The following DMD variants were observed in gnomAD, a reference collection of about 807,000 sequenced individuals.
DMD encodes dystrophin.
DMD carries 63 observed loss-of-function variants against 330.1 expected under a neutral mutation model. The ratio of observed to expected loss-of-function variants is 0.19; its 90% CI spans 0.16 to 0.24. The LOEUF is 0.24. Among genes scored for constraint, DMD ranks in the 10% least tolerant of loss-of-function variants. The pLI is 1.00. For synonymous variants in DMD, 1,223 were observed against 959.8 expected (o/e 1.27, Z -5.07); for missense variants, 3,344 against 2,684.1 (o/e 1.25, Z -5.43).
chrX:31,449,779 T>TAGATAGATAGATAGATAG (rs1205052509), intron 59 of DMD, among the ~76,000 whole-genome samples: 1 of 90,430 alleles, frequency 1.1e-5, no homozygotes, highest in African/African-American at 4.2e-5. Flanking sequence ...TATATATATA[T>TAGATAGATAGATAGATAG]ATATATATAT....
Position 31,367,589 on chromosome X carries a change from A to T in DMD, c.9085-18955T>A, listed in dbSNP as rs1434656875. Among the ~76,000 whole-genome samples, 3 of 111,513 alleles carry T rather than the reference A, an allele frequency of 2.7e-5. No individual in the cohort carries two copies. The East Asian group carries it at 8.4e-4, about 31-fold the overall frequency. On this transcript the variant is annotated intron_variant, in intron 60 of 78. Transcript: ENST00000357033. Reference sequence around the variant, plus strand: ...TGATGTGGGGCTGATAATTCTGACAATCAATAATAATAATTGTATAAACAT... The same window carrying T: ...TGATGTGGGGCTGATAATTCTGACATTCAATAATAATAATTGTATAAACAT...
intron 62 of DMD, among the ~76,000 whole-genome samples, chrX:31,280,373 A>G (rs1048044945): frequency 6.2e-5 from 7 of 112,109 alleles, no homozygotes; most frequent in African/African-American, 2.3e-4. Flanking sequence ...TTCTATTTAT[A>G]GAAAATTCTT....
At chrX:32,385,552 C>T (rs1021898525) in intron 33 of DMD, among the ~76,000 whole-genome samples, 2 of 110,841 alleles carry the variant, frequency 1.8e-5, no homozygotes, top group Non-Finnish European at 3.8e-5. Flanking sequence ...ACTGTTATCG[C>T]ATCAACCTAA....
chrX:32,573,545 A>G lies in DMD; in HGVS notation c.1797T>C (p.Ser599=). Residue 599 remains serine (S), a synonymous_variant, in exon 15 of 79, where the codon AGT becomes AGC. Coordinates refer to ENST00000357033, the MANE Select transcript of DMD (RefSeq NM_004006.3). ...GFKDQNEMLS[S]LQKLAVLKAD... is the part of the protein sequence containing the mutation. ...AAGTACATACGGCCAGTTTTTGAAG[A>G]CTTGATAACATTTCATTTTGATCTT... is the stretch of plus-strand genomic sequence containing the variant. The G allele has an allele frequency of 8.3e-7, 1 of 1,210,692 alleles. No homozygotes were observed. Among genetic ancestry groups the G allele is most frequent in the Non-Finnish European group, 1.1e-6 (1 of 894,568 alleles).
chrX:31,154,874 C>T (rs945390890), intron 74 of DMD, among the ~76,000 whole-genome samples: 11 of 110,056 alleles, frequency 1.0e-4, no homozygotes, highest in Middle Eastern at 4.6e-3. Context: ...CACATGGCTT[C>T]TGTCACTACA....
chrX:32,517,431 G>A (rs970555884), intron 18 of DMD: 3 of 111,985 alleles, frequency 2.7e-5, no homozygotes, highest in African/African-American at 9.7e-5. Flanking sequence ...CATCTCAGAA[G>A]GGAATAACAA....
chrX:32,776,487 A>T (rs2074162278), intron 7 of DMD, among the ~76,000 whole-genome samples: 1 of 111,235 alleles, frequency 9.0e-6, no homozygotes, highest in Non-Finnish European at 1.9e-5. Flanking sequence ...ATGGGTGGGG[A>T]GGCCCCCAGG....
At chrX:31,821,016 G>A (rs184776442) in intron 49 of DMD, among the ~76,000 whole-genome samples, 31 of 112,749 alleles carry the variant, frequency 2.7e-4, no homozygotes, top group African/African-American at 9.6e-4. Context: ...CTAGCTATAC[G>A]ATAATTTATA....
At chrX:31,608,834 C>A (rs143897702) in intron 55 of DMD, among the ~76,000 whole-genome samples, 1 of 111,221 alleles carries the variant, frequency 9.0e-6, no homozygotes, top group Non-Finnish European at 1.9e-5. Context: ...TGGCCAACCC[C>A]TAAGACTAGG....
chrX:31,714,257 T>A (rs1200016786), intron 52 of DMD, among the ~76,000 whole-genome samples: 1 of 111,544 alleles, frequency 9.0e-6, no homozygotes, highest in Admixed American at 9.6e-5. Context: ...ATTTGGAATA[T>A]TCACTGCTGT....
chrX:31,770,682 G>C (rs939096159), intron 51 of DMD, among the ~76,000 whole-genome samples: 4 of 111,566 alleles, frequency 3.6e-5, no homozygotes, highest in African/African-American at 1.3e-4. Flanking sequence ...AGGTTTAAGG[G>C]AGAGGACTCT....
chrX:32,371,476 G>A (rs2097877717), intron 34 of DMD, among the ~76,000 whole-genome samples: 1 of 110,065 alleles, frequency 9.1e-6, no homozygotes, highest in Non-Finnish European at 1.9e-5. Context: ...ACTTTCAGAT[G>A]ACACCATGGA....
At chrX:32,238,415 A>T (rs1284534581) in intron 43 of DMD, among the ~76,000 whole-genome samples, 5 of 108,634 alleles carry the variant, frequency 4.6e-5, no homozygotes, top group Non-Finnish European at 7.6e-5. Context: ...GCTGCTCATG[A>T]CATGTGTTCC....
intron 17 of DMD, among the ~76,000 whole-genome samples, chrX:32,529,648 A>C (rs775991128): frequency 9.0e-6 from 1 of 110,727 alleles, no homozygotes; most frequent in South Asian, 3.8e-4. Flanking sequence ...CTAATTAAAG[A>C]GGTTTTGACC....
intron 74 of DMD, among the ~76,000 whole-genome samples, chrX:31,166,516 C>A (rs1231519305): frequency 3.6e-5 from 4 of 111,746 alleles, no homozygotes; most frequent in African/African-American, 1.3e-4. Flanking sequence ...AAAGTATGCT[C>A]GTATTTGTCA....
At chrX:31,160,636 T>C (rs922734618) in intron 74 of DMD, among the ~76,000 whole-genome samples, 1 of 112,007 alleles carries the variant, frequency 8.9e-6, no homozygotes, top group Non-Finnish European at 1.9e-5. Flanking sequence ...TTTCTTCACT[T>C]CCAAACTCCT....
intron 30 of DMD, among the ~76,000 whole-genome samples, chrX:32,409,537 G>A (rs757352879): frequency 3.6e-5 from 4 of 111,283 alleles, no homozygotes; most frequent in Non-Finnish European, 7.6e-5. Flanking sequence ...ATCACAACCT[G>A]TTCAACTAAA....
intron 44 of DMD, among the ~76,000 whole-genome samples, chrX:32,207,496 G>T (rs1299599595): frequency 8.9e-6 from 1 of 111,746 alleles, no homozygotes; most frequent in Non-Finnish European, 1.9e-5. Flanking sequence ...CGTATTAAGA[G>T]AGTTACCTAC....
At chrX:31,796,182 A>T (rs1318371029) in intron 50 of DMD, among the ~76,000 whole-genome samples, 1 of 112,453 alleles carries the variant, frequency 8.9e-6, no homozygotes, top group African/African-American at 3.2e-5. Context: ...TTTGCAGTGT[A>T]CAAGATGAGC....
Sources: allele counts gnomAD v4.1 joint callset (sites outside exome capture counted in the v4.1 genomes callset), GRCh38; gene constraint gnomAD v4.1.1; transcripts MANE v1.5; gene names NCBI Gene and HGNC (gene_info 2026-07-23, HGNC 2026-07-21).